The following AP3D1 variants were observed in gnomAD, a reference collection of about 807,000 sequenced individuals.
AP3D1 encodes AP-3 complex subunit delta-1.
AP3D1 carries 51 observed loss-of-function variants against 147.6 expected under a neutral mutation model. The ratio of observed to expected loss-of-function variants is 0.35; its 90% CI spans 0.28 to 0.44. The LOEUF is 0.44. Ranked by LOEUF, AP3D1 falls within the 20% of genes least tolerant of loss-of-function variation. The pLI, the probability that AP3D1 is intolerant of heterozygous loss-of-function variation, is 1.00. For missense variants in AP3D1, 1,421 were observed against 1,624.2 expected (o/e 0.87, Z 2.15); for synonymous variants, 760 against 663.0 (o/e 1.15, Z -2.25).
intron 1 of AP3D1, among the ~76,000 whole-genome samples, chr19:2,150,072 C>T (rs957098117): frequency 6.6e-6 from 1 of 152,156 alleles, no homozygotes; most frequent in Non-Finnish European, 1.5e-5. Flanking sequence ...ACACCACTTC[C>T]AGGAAAGTGT....
chr19:2,129,662 C>T (rs1011055984), intron 6 of AP3D1, among the ~76,000 whole-genome samples: 9 of 152,232 alleles, frequency 5.9e-5, no homozygotes, highest in African/African-American at 2.2e-4. Flanking sequence ...CAGCTCCTGG[C>T]GCTGAGAAAG....
rs11311779 is a variant in AP3D1 at position 2,142,755 on chromosome 19, GTTTT to G, written c.97-4045_97-4042del. On this transcript the variant is annotated intron_variant, in intron 1 of 31. Coordinates refer to ENST00000643116, the MANE Select transcript of AP3D1 (RefSeq NM_001261826.3). ...ATGGGGGCTCTGAGGGGTTTTTTCT[GTTTT>G]TTTTTTTTCTTTTTTTATTTGAGAC... is the stretch of plus-strand genomic sequence containing the variant. 4.8e-5 allele frequency among the ~76,000 whole-genome samples: 7 copies of G among 145,606 alleles called. No homozygotes were observed. In the South Asian group the frequency reaches 1.5e-3, roughly 32 times the overall value.
rs536158441 is a variant in AP3D1, at chr19:2,113,347, C to T, written c.2668G>A (p.Val890Ile). ...PPAPAPAPAP[V>I]PSTGELSVNT... ...TGCCAGTCTCTTACCGTGGATGGAA[C>T]GGGGGCGGGGGCGGGGGCGGGGGCA... The change falls in exon 23 of 32, where the codon GTT (valine) becomes ATT (isoleucine). Residue 890 changes from valine to isoleucine, a missense_variant. By Grantham distance (29) the Val-to-Ile change is conservative. This residue lies in a region of AP3D1 where 791 missense variants were observed against 761.4 expected (regional missense o/e 1.04). Coordinates refer to ENST00000643116, the MANE Select transcript of AP3D1 (RefSeq NM_001261826.3). The T allele has an allele frequency of 1.3e-4, 31 of 239,160 alleles. No homozygotes were observed. The highest frequency in any genetic ancestry group is 6.0e-4 in the Admixed American group (2 of 3,316). 14.8% of individuals were successfully genotyped at this position (239,160 alleles called of 1,614,324 possible). A position where few individuals can be genotyped will look rare whatever the true frequency, so the allele number is the denominator to read the frequency against.
chr19:2,155,266 C>G (rs1392204172), upstream of AP3D1, among the ~76,000 whole-genome samples: 1 of 151,814 alleles, frequency 6.6e-6, no homozygotes, highest in Non-Finnish European at 1.5e-5. Flanking sequence ...GAGGCTGAGG[C>G]AGGAGAATAG....
At chr19:2,113,038 C>G in intron 23 of AP3D1, 71 bp from the exon 24 acceptor site, 1 of 1,110,294 alleles carries the variant, frequency 9.0e-7, no homozygotes. Context: ...CCCAGACAGC[C>G]TCCATGCCAC....
At chr19:2,151,215 A>T in intron 1 of AP3D1, 24 bp downstream of exon 1, 1 of 1,603,098 alleles carries the variant, frequency 6.2e-7, no homozygotes, top group Non-Finnish European at 8.5e-7. Flanking sequence ...CAGGCCGAGC[A>T]GCCCCTTGGC....
intron 22 of AP3D1, among the ~76,000 whole-genome samples, chr19:2,113,837 T>C (rs1339121167): frequency 6.6e-6 from 1 of 152,282 alleles, no homozygotes; most frequent in South Asian, 2.1e-4. Context: ...CACGTGAGGG[T>C]GGCATCTGGA....
intron 24 of AP3D1, chr19:2,112,557 A>G (rs1318064247): frequency 3.4e-6 from 1 of 293,210 alleles, no homozygotes. Context: ...TTTAGGGGTC[A>G]TGGAAAGTTC....
chr19:2,148,367 C>T (rs969021521), intron 1 of AP3D1, among the ~76,000 whole-genome samples: 1 of 152,096 alleles, frequency 6.6e-6, no homozygotes, highest in Non-Finnish European at 1.5e-5. Context: ...CATGGGAACC[C>T]GATACGTTTA....
chr19:2,102,364 T>C (rs2017979124), intron 31 of AP3D1, 96 bp from the exon 32 acceptor site: 1 of 1,044,844 alleles, frequency 9.6e-7, no homozygotes, highest in Non-Finnish European at 1.5e-6. Flanking sequence ...GAGGCCAAGG[T>C]GGGTGGATCA....
intron 1 of AP3D1, among the ~76,000 whole-genome samples, chr19:2,146,847 G>A (rs1030121906): frequency 6.6e-6 from 1 of 152,112 alleles, no homozygotes; most frequent in Non-Finnish European, 1.5e-5. Context: ...CTACCTCCAA[G>A]AGACATTCTG....
At chr19:2,159,147 G>C (rs2019673310) in intron 1 of AP3D1, among the ~76,000 whole-genome samples, 1 of 151,134 alleles carries the variant, frequency 6.6e-6, no homozygotes, top group African/African-American at 2.4e-5. Flanking sequence ...ACACCACCAG[G>C]CCAGGCTAAT....
chr19:2,112,065 C>A, intron 24 of AP3D1: 1 of 593,874 alleles, frequency 1.7e-6, no homozygotes, highest in Non-Finnish European at 2.9e-6. Flanking sequence ...GGGGAACAGT[C>A]CCCACCGACC....
intron 1 of AP3D1, among the ~76,000 whole-genome samples, chr19:2,159,907 G>T (rs899801905): frequency 1.1e-4 from 16 of 151,904 alleles, no homozygotes; most frequent in Non-Finnish European, 2.2e-4. Context: ...TAGTAGAGAC[G>T]GGGTTTCACC....
At chr19:2,117,164 G>A in intron 16 of AP3D1, 58 bp downstream of exon 16, 2 of 1,522,098 alleles carry the variant, frequency 1.3e-6, no homozygotes, top group Non-Finnish European at 1.8e-6. Flanking sequence ...TGTGCCACCA[G>A]GCATCAAGGG....
At chr19:2,112,060 A>T (rs1038049746) in intron 24 of AP3D1, 8 of 607,862 alleles carry the variant, frequency 1.3e-5, no homozygotes, top group African/African-American at 1.1e-4. Flanking sequence ...AGCCCGGGGA[A>T]CAGTCCCCAC....
At chr19:2,151,758 G>A (rs1029071886), upstream of AP3D1, among the ~76,000 whole-genome samples, 17 of 152,236 alleles carry the variant, frequency 1.1e-4, no homozygotes, top group African/African-American at 3.9e-4. Flanking sequence ...CAAAACTTGC[G>A]CTCTCATTGG....
chr19:2,109,797 C>CG, intron 29 of AP3D1, 76 bp downstream of exon 29: 1 of 1,396,598 alleles, frequency 7.2e-7, no homozygotes. Context: ...CCTCAGTCCC[C>CG]GGGGCACAGG....
At position 2,144,552 on chromosome 19, in the gene AP3D1, G is replaced by A. The variant is rs370140203; in HGVS notation, c.97-5838C>T. On this transcript the variant is annotated intron_variant, in intron 1 of 31. Coordinates refer to ENST00000643116, the MANE Select transcript of AP3D1 (RefSeq NM_001261826.3). ...CCAGCCCGTCTCTGTGCTCAGTCCT[G>A]TAACTTGCGGCCCCTCAGCTCAGCC... is the stretch of plus-strand genomic sequence containing the variant. Among the ~76,000 whole-genome samples, 12 of 152,288 alleles carry A rather than the reference G, an allele frequency of 7.9e-5. No homozygotes were observed. The East Asian group carries it at 1.2e-3, about 15-fold the overall frequency.
Sources: gnomAD v4.1 joint callset for allele counts (sites outside exome capture counted in the v4.1 genomes callset) on GRCh38, gnomAD v4.1.1 for gene constraint, gnomAD v4.1.1 regional missense constraint, MANE v1.5 for transcripts, NCBI Gene and HGNC (gene_info 2026-07-23, HGNC 2026-07-21) for gene names.